Variants in FDX1 observed in about 807,000 individuals in gnomAD.
FDX1 encodes ferredoxin 1, also known as adrenodoxin, mitochondrial.
FDX1 carries 9 observed loss-of-function variants against 14.9 expected under a neutral mutation model. The observed-to-expected ratio is 0.60, with a 90% CI of 0.36 to 1.05. The LOEUF (loss-of-function observed/expected upper bound fraction) is 1.05. Ranked by LOEUF, FDX1 falls within the 50% of genes least tolerant of loss-of-function variation. The pLI is 0.01. For synonymous variants in FDX1, 92 were observed against 99.4 expected, an observed-to-expected ratio of 0.93 and a Z score of 0.44; for missense variants, 204 against 237.2, an observed-to-expected ratio of 0.86 and a Z score of 0.92.
chr11:110,439,382 G>T lies in FDX1; in HGVS notation c.310+3424G>T, dbSNP rs574668193. On this transcript the variant is annotated intron_variant, in intron 2 of 3. Coordinates refer to ENST00000260270, the MANE Select transcript of FDX1 (RefSeq NM_004109.5). ...GCTACCATGCCCGGCTAATTTTTTT[G>T]TATTTTTAGTAGAGATGGGGTTTCC... 2.6e-3 allele frequency among the ~76,000 whole-genome samples: 390 copies of T among 151,620 alleles called. 3 individuals are homozygous for T. Among genetic ancestry groups the T allele is most frequent in the African/African-American group, 8.2e-3 (337 of 41,280 alleles).
intron 1 of FDX1, among the ~76,000 whole-genome samples, chr11:110,434,725 GTTT>G (rs56907322): frequency 1.9e-5 from 2 of 105,704 alleles, no homozygotes; most frequent in Non-Finnish European, 1.9e-5. Flanking sequence ...GACTTTTTTT[GTTT>G]TTTTTTTTTT....
Position 110,430,188 on chromosome 11 carries a change from G to T in FDX1, c.68G>T (p.Arg23Leu), listed in dbSNP as rs986401811. Residue 23 changes from arginine to leucine, a missense_variant, in exon 1 of 4, where the codon CGG becomes CTG. Arg to Leu is a moderately radical substitution (Grantham distance 102). Coordinates refer to ENST00000260270, the MANE Select transcript of FDX1 (RefSeq NM_004109.5). ...GCTGTCCTCGGCGGCCCGGCCGGCCGGTGGCTGCACCACGCTGGGTCCCGC... is the reference window on the plus strand; with the variant it reads ...GCTGTCCTCGGCGGCCCGGCCGGCCTGTGGCTGCACCACGCTGGGTCCCGC... ...ASAVLGGPAGRWLHHAGSRAG... is the reference protein window; with the variant it reads ...ASAVLGGPAGLWLHHAGSRAG... 20 of 1,229,960 alleles carry T rather than the reference G, an allele frequency of 1.6e-5. No homozygotes were observed. Among genetic ancestry groups the T allele is most frequent in the Non-Finnish European group, 1.8e-5 (18 of 988,640 alleles). 76.2% of individuals were successfully genotyped at this position (1,229,960 alleles called of 1,614,324 possible). A position where few individuals can be genotyped will look rare whatever the true frequency, so the allele number is the denominator to read the frequency against.
chr11:110,457,023 A>C lies in FDX1; in HGVS notation c.416A>C (p.Asp139Ala). 2 of 1,613,348 alleles carry C rather than the reference A, an allele frequency of 1.2e-6. No homozygotes were observed. The highest frequency in any genetic ancestry group is 1.7e-6 in the Non-Finnish European group (2 of 1,179,470). ...ACTGATGAGGAGAATGACATGCTCGATCTGGCATATGGACTAACAGACAGG... is the reference window on the plus strand; with the variant it reads ...ACTGATGAGGAGAATGACATGCTCGCTCTGGCATATGGACTAACAGACAGG... ...AITDEENDML[D>A]LAYGLTDRSR... Residue 139 changes from aspartate to alanine, a missense_variant, in exon 3 of 4, where the codon GAT becomes GCT. Coordinates refer to ENST00000260270, the MANE Select transcript of FDX1 (RefSeq NM_004109.5).
Position 110,444,709 on chromosome 11 carries a change from TATATATATATATAC to T in FDX1, c.310+8752_310+8765del. ...ACACGTATATATATATATATACGTA[TATATATATATATAC>T]GTATATATATATATATATATACACG... is the stretch of plus-strand genomic sequence containing the variant. On this transcript the variant is annotated intron_variant, in intron 2 of 3. Coordinates refer to ENST00000260270, the MANE Select transcript of FDX1 (RefSeq NM_004109.5). Among the ~76,000 whole-genome samples, 3 of 71,946 alleles carry T rather than the reference TATATATATATATAC, an allele frequency of 4.2e-5. 1 individual carries two copies. In the South Asian group the frequency reaches 1.2e-3, roughly 28 times the overall value. 47.2% of individuals were successfully genotyped at this position (71,946 alleles called of 152,430 possible). A position where few individuals can be genotyped will look rare whatever the true frequency, so the allele number is the denominator to read the frequency against.
At chr11:110,430,422 C>T in intron 1 of FDX1, 117 bp downstream of exon 1, 7 of 657,904 alleles carry the variant, frequency 1.1e-5, no homozygotes, top group Non-Finnish European at 1.4e-5. Context: ...GCCCACACCC[C>T]GGAGGCCTGC....
At chr11:110,439,381 T>C (rs1004297762) in intron 2 of FDX1, among the ~76,000 whole-genome samples, 11 of 152,002 alleles carry the variant, frequency 7.2e-5, no homozygotes, top group Admixed American at 2.0e-4. Flanking sequence ...CTAATTTTTT[T>C]GTATTTTTAG....
In FDX1 at chr11:110,430,311, G is replaced by A. The variant is rs1441997957; in HGVS notation, c.185+6G>A. ...TCGGCGCGGGCCCGGAGCAGGTAGG[G>A]CGCCGTGCGGGCGCGATCGCCGGCG... On this transcript the variant is annotated splice_donor_region_variant and intron_variant, in intron 1 of 3. Transcript: ENST00000260270. 2 of 1,193,600 alleles carry A rather than the reference G, an allele frequency of 1.7e-6. No homozygotes were observed. The highest frequency in any genetic ancestry group is 3.6e-5 in the East Asian group (1 of 28,056). The allele number at this position is 1,193,600 out of a possible 1,614,324, so 73.9% of individuals were successfully genotyped here.
chr11:110,441,589 C>T (rs896823685), intron 2 of FDX1, among the ~76,000 whole-genome samples: 1 of 152,166 alleles, frequency 6.6e-6, no homozygotes, highest in African/African-American at 2.4e-5. Flanking sequence ...AGAGATGATA[C>T]TTAGGGTATC....
rs192590819 is a variant in FDX1 at position 110,440,032 on chromosome 11, G to T, written c.310+4074G>T. Among the ~76,000 whole-genome samples the T allele has an allele frequency of 2.2e-3, 336 of 152,214 alleles. 2 individuals carry two copies. The highest frequency in any genetic ancestry group is 7.9e-3 in the African/African-American group (327 of 41,546). On this transcript the variant is annotated intron_variant, in intron 2 of 3. Coordinates refer to ENST00000260270, the MANE Select transcript of FDX1 (RefSeq NM_004109.5). ...GGTCTCTATTCTGTTCCTTTGGTCT[G>T]TGTGTCTAGGTTTTCTAGGTTGTGT...
At chr11:110,456,509 C>A (rs200286852) in intron 2 of FDX1, among the ~76,000 whole-genome samples, 1 of 83,802 alleles carries the variant, frequency 1.2e-5, no homozygotes, top group Non-Finnish European at 2.2e-5. Context: ...TTTATGTATT[C>A]TTTTTTTTTT....
At chr11:110,444,666 G>GTA (rs796652673) in intron 2 of FDX1, among the ~76,000 whole-genome samples, 1,148 of 41,768 alleles carry the variant, frequency 0.027, 49 homozygotes, top group East Asian at 0.048. Context: ...ATATATATAC[G>GTA]TATATATATA....
intron 2 of FDX1, among the ~76,000 whole-genome samples, chr11:110,452,826 A>G (rs1220988786): frequency 6.6e-6 from 1 of 152,232 alleles, no homozygotes; most frequent in African/African-American, 2.4e-5. Flanking sequence ...GAAAGAAGCC[A>G]GTTTCAGTCA....
At chr11:110,430,378 C>G (rs1946322475) in intron 1 of FDX1, 73 bp downstream of exon 1, 3 of 1,048,570 alleles carry the variant, frequency 2.9e-6, no homozygotes, top group Non-Finnish European at 2.4e-6. Context: ...CTCTCTGGGC[C>G]GAGTCTCTGG....
chr11:110,456,021 A>G (rs139200694), intron 2 of FDX1, among the ~76,000 whole-genome samples: 1,777 of 152,296 alleles, frequency 0.012, 31 homozygotes, highest in African/African-American at 0.04. Context: ...CTCTCATCAC[A>G]GTGTCTGGCG....
At chr11:110,462,307 A>ATATATAT (rs1565386449) in intron 3 of FDX1, 47 bp from the exon 4 acceptor site, 1 of 1,027,534 alleles carries the variant, frequency 9.7e-7, no homozygotes, top group Non-Finnish European at 1.5e-6. Context: ...TGCCTTGTGA[A>ATATATAT]TATATATACG....
In FDX1 at chr11:110,444,632, ATGTG is replaced by A. The variant is rs369797336; in HGVS notation, c.310+8690_310+8693del. The stretch of plus-strand genomic sequence containing the variant: ...CTGTCTCAAAAAAAAAAGAAAATAT[ATGTG>A]TGTGTGTGTGTGTGTATATATATAT... On this transcript the variant is annotated intron_variant, in intron 2 of 3. Transcript: ENST00000260270. Among the ~76,000 whole-genome samples the A allele has an allele frequency of 1.1e-3, 95 of 84,810 alleles. 3 individuals are homozygous for A. Among genetic ancestry groups the A allele is most frequent in the African/African-American group, 3.3e-3 (51 of 15,324 alleles). The allele number at this position is 84,810 out of a possible 152,430, so 55.6% of individuals were successfully genotyped here. A position where few individuals can be genotyped will look rare whatever the true frequency, so the allele number is the denominator to read the frequency against.
chr11:110,440,678 T>C (rs1946399336), intron 2 of FDX1, among the ~76,000 whole-genome samples: 1 of 152,182 alleles, frequency 6.6e-6, no homozygotes, highest in Non-Finnish European at 1.5e-5. Context: ...GGTACTGAAA[T>C]ATGTCCCAAA....
intron 2 of FDX1, among the ~76,000 whole-genome samples, chr11:110,442,276 C>T (rs7118007): frequency 2.6e-5 from 4 of 152,012 alleles, no homozygotes; most frequent in Non-Finnish European, 5.9e-5. Flanking sequence ...TGGAGCTGTG[C>T]GAAGAGGGCC....
In FDX1 at chr11:110,462,405, T is replaced by G. The variant is rs761464290; in HGVS notation, c.492T>G (p.Thr164=). ...ICLTKSMDNM[T]VRVPETVADA... ...TGACAAAATCTATGGACAATATGAC[T>G]GTTCGAGTGCCTGAAACAGTGGCTG... is the stretch of plus-strand genomic sequence containing the variant. Residue 164 remains threonine (T), a synonymous_variant, in exon 4 of 4, where the codon ACT becomes ACG. Coordinates refer to ENST00000260270, the MANE Select transcript of FDX1 (RefSeq NM_004109.5). The G allele has an allele frequency of 1.7e-5, 28 of 1,612,802 alleles. No individual in the cohort carries two copies. The Admixed American group carries it at 4.7e-4, about 27-fold the overall frequency.
Sources: allele counts gnomAD v4.1 joint callset (sites outside exome capture counted in the v4.1 genomes callset), GRCh38; gene constraint gnomAD v4.1.1; transcripts MANE v1.5; gene names NCBI Gene and HGNC (gene_info 2026-07-23, HGNC 2026-07-21).